Variants in TTC7A observed in about 807,000 individuals in gnomAD.
TTC7A encodes tetratricopeptide repeat protein 7A.
TTC7A carries 110 observed loss-of-function variants against 103.7 expected under a neutral mutation model. The observed-to-expected ratio is 1.06, with a 90% CI of 0.91 to 1.24. The LOEUF (loss-of-function observed/expected upper bound fraction) is 1.24, where lower values mean the gene tolerates loss of function less well. Among genes scored for constraint, TTC7A ranks in the 50% most tolerant of loss-of-function variants. TTC7A has a pLI of 0.00. For missense variants in TTC7A, 1,340 were observed against 1,116.3 expected, an observed-to-expected ratio of 1.20 and a Z score of -2.86; for synonymous variants, 521 against 467.9, an observed-to-expected ratio of 1.11 and a Z score of -1.47.
intron 2 of TTC7A, among the ~76,000 whole-genome samples, chr2:46,928,093 T>A (rs187906483): frequency 6.6e-6 from 1 of 151,634 alleles, no homozygotes; most frequent in Non-Finnish European, 1.5e-5. Context: ...GTTTTTGCCA[T>A]GTTGCCCAGG....
At chr2:47,041,548 T>A (rs1436107540) in intron 15 of TTC7A, among the ~76,000 whole-genome samples, 5 of 151,154 alleles carry the variant, frequency 3.3e-5, no homozygotes, top group African/African-American at 1.2e-4. Flanking sequence ...AGGTCAGGAG[T>A]TCAAGAACAG....
intron 16 of TTC7A, chr2:47,046,882 A>G (rs1682380939): frequency 4.2e-6 from 1 of 238,418 alleles, no homozygotes; most frequent in Non-Finnish European, 8.1e-6. Flanking sequence ...GTTCCAGCCC[A>G]TGGAGCCTGT....
At chr2:46,917,162 A>G in intron 1 of TTC7A, 1 of 695,242 alleles carries the variant, frequency 1.4e-6, no homozygotes. Flanking sequence ...ATAATCCCTA[A>G]TTTTTTTTTC....
At chr2:46,938,346 T>C (rs575621371), upstream of TTC7A, among the ~76,000 whole-genome samples, 19 of 152,324 alleles carry the variant, frequency 1.2e-4, no homozygotes, top group African/African-American at 2.2e-4. Context: ...CCTTTTTTTT[T>C]CCTTAATATC....
chr2:46,969,966 G>A (rs1252441972), intron 3 of TTC7A, among the ~76,000 whole-genome samples: 2 of 152,196 alleles, frequency 1.3e-5, no homozygotes, highest in African/African-American at 4.8e-5. Context: ...ACCTGGCAGG[G>A]TTTCAGAGAA....
chr2:46,936,645 T>A (rs1669993373), upstream of TTC7A, among the ~76,000 whole-genome samples: 2 of 152,176 alleles, frequency 1.3e-5, no homozygotes. Context: ...CTTGCATGTA[T>A]TTATGCTGTC....
rs1221217058 is a variant in TTC7A, at chr2:47,073,625, C to G, written c.2356-77C>G. 3.9e-6 allele frequency: 5 copies of G among 1,296,676 alleles called. No individual in the cohort carries two copies. The African/African-American group carries it at 7.3e-5, about 19-fold the overall frequency. The allele number at this position is 1,296,676 out of a possible 1,614,324, so 80.3% of individuals were successfully genotyped here. Reference sequence around the variant, plus strand: ...GCTGATGGCTGCTGCCACCCGTGCACCTGTGCTTGGCCCAGTTGCCAAGAT... The same window carrying G: ...GCTGATGGCTGCTGCCACCCGTGCAGCTGTGCTTGGCCCAGTTGCCAAGAT... On this transcript the variant is annotated intron_variant, in intron 19 of 19. Transcript: ENST00000319190.
At chr2:46,986,746 T>G (rs879476411) in intron 5 of TTC7A, among the ~76,000 whole-genome samples, 28 of 152,072 alleles carry the variant, frequency 1.8e-4, no homozygotes, top group East Asian at 5.8e-4. Context: ...GAGAACAGGG[T>G]GGGGCCAGAT....
Position 46,999,019 on chromosome 2 carries a change from T to C in TTC7A, c.1065+3820T>C, listed in dbSNP as rs761576026. 3.5e-4 allele frequency among the ~76,000 whole-genome samples: 54 copies of C among 152,176 alleles called. 1 individual carries two copies. Among genetic ancestry groups the C allele is most frequent in the Non-Finnish European group, 7.2e-4 (49 of 68,030 alleles). On this transcript the variant is annotated intron_variant, in intron 8 of 19. Transcript: ENST00000319190. Reference sequence around the variant, plus strand: ...CATTTAAAAATCCACATACTTATCATTGATTCATTCATATATCGATCACCG... The same window carrying C: ...CATTTAAAAATCCACATACTTATCACTGATTCATTCATATATCGATCACCG...
chr2:46,990,048 A>G (rs1420994314), intron 5 of TTC7A, among the ~76,000 whole-genome samples: 1 of 152,130 alleles, frequency 6.6e-6, no homozygotes, highest in Non-Finnish European at 1.5e-5. Flanking sequence ...AGGTGCCAGG[A>G]CCTGCCGGCC....
chr2:46,967,652 G>C (rs1301835993), intron 3 of TTC7A, among the ~76,000 whole-genome samples: 2 of 152,068 alleles, frequency 1.3e-5, no homozygotes, highest in Non-Finnish European at 2.9e-5. Flanking sequence ...TTGTTTATGT[G>C]TTCATCTGTC....
chr2:47,013,144 G>C (rs1678259301), intron 11 of TTC7A, among the ~76,000 whole-genome samples: 2 of 152,174 alleles, frequency 1.3e-5, no homozygotes, highest in Non-Finnish European at 2.9e-5. Context: ...GGACGGGTCA[G>C]GGAGGCATCA....
chr2:47,004,254 A>G (rs914997976), intron 8 of TTC7A, among the ~76,000 whole-genome samples: 15 of 152,180 alleles, frequency 9.9e-5, no homozygotes, highest in African/African-American at 3.6e-4. Flanking sequence ...TCAGTGACTG[A>G]GCTGTCCCCC....
chr2:47,012,554 C>A (rs1678184045), intron 11 of TTC7A, among the ~76,000 whole-genome samples: 2 of 152,226 alleles, frequency 1.3e-5, no homozygotes, highest in Non-Finnish European at 2.9e-5. Flanking sequence ...GCAGCAGGAG[C>A]TTCATAATTA....
At chr2:47,072,113 G>A (rs1573109090) in intron 19 of TTC7A, among the ~76,000 whole-genome samples, 1 of 152,220 alleles carries the variant, frequency 6.6e-6, no homozygotes, top group Non-Finnish European at 1.5e-5. Flanking sequence ...TCTGGTGTGG[G>A]TGGAACAGCT....
chr2:47,035,133 A>G (rs1680967827), intron 15 of TTC7A: 1 of 152,146 alleles, frequency 6.6e-6, no homozygotes. Flanking sequence ...TCCAATGAGC[A>G]GGGGGGATGA....
chr2:46,961,604 T>TAAATAAATAAATAAAA (rs765403034), intron 3 of TTC7A, among the ~76,000 whole-genome samples: 5 of 144,758 alleles, frequency 3.5e-5, no homozygotes, highest in Admixed American at 1.4e-4. Flanking sequence ...AATAAATAAA[T>TAAATAAATAAATAAAA]AAAATAAAAA....
intron 10 of TTC7A, among the ~76,000 whole-genome samples, chr2:47,008,017 C>T (rs1011619785): frequency 6.6e-6 from 1 of 152,112 alleles, no homozygotes; most frequent in Non-Finnish European, 1.5e-5. Context: ...GACGAGCTGG[C>T]CGTGGGGATG....
upstream of TTC7A, among the ~76,000 whole-genome samples, chr2:46,937,076 G>T (rs1245313576): frequency 6.6e-6 from 1 of 151,830 alleles, no homozygotes; most frequent in African/African-American, 2.4e-5. The surrounding 1 kb of genome is among the most constrained non-coding windows in gnomAD (Gnocchi z 4.0). Context: ...GGCTCGTCTC[G>T]AACTCCTGAG....
Sources: allele counts gnomAD v4.1 joint callset (sites outside exome capture counted in the v4.1 genomes callset), GRCh38; gene constraint gnomAD v4.1.1; non-coding constraint Gnocchi (gnomAD v3.1); transcripts MANE v1.5; gene names NCBI Gene and HGNC (gene_info 2026-07-23, HGNC 2026-07-21).